Variants in ZNF431 observed in about 807,000 individuals in gnomAD.
The protein encoded by ZNF431 is zinc finger protein 431.
Under a neutral mutation model 57.0 loss-of-function variants are expected in ZNF431, and 34 were observed. The ratio of observed to expected loss-of-function variants is 0.60; its 90% CI spans 0.45 to 0.79. The LOEUF (loss-of-function observed/expected upper bound fraction) is 0.79. Among genes scored for constraint, ZNF431 ranks in the 30% least tolerant of loss-of-function variants. The pLI, the probability that ZNF431 is intolerant of heterozygous loss-of-function variation, is 0.00. For missense variants in ZNF431, 607 were observed against 667.1 expected (o/e 0.91, Z 0.99); for synonymous variants, 207 against 220.3 (o/e 0.94, Z 0.54).
intron 4 of ZNF431, chr19:21,175,604 G>A (rs1971026940): frequency 5.9e-6 from 3 of 512,558 alleles, no homozygotes; most frequent in Non-Finnish European, 1.0e-5. Context: ...ACCCCAGTGT[G>A]TGTTGTTTCC....
chr19:21,173,003 A>G (rs1970950198), intron 4 of ZNF431, among the ~76,000 whole-genome samples: 1 of 152,214 alleles, frequency 6.6e-6, no homozygotes. Flanking sequence ...ATATAAGTAG[A>G]ATTATATAGT....
In ZNF431 at chr19:21,183,850, A is replaced by G. The variant is rs1415950102; in HGVS notation, c.1547A>G (p.Glu516Gly). The change falls in exon 5 of 5, where the codon GAA becomes GGA. Residue 516 changes from glutamate to glycine, a missense_variant. By Grantham distance (98) the Glu-to-Gly change is moderately conservative (BLOSUM62 -2). Coordinates refer to ENST00000311048, the MANE Select transcript of ZNF431 (RefSeq NM_133473.4). ...GGAGAGAAATCTTACAAATGTGAAG[A>G]ATGTGGTAAAGCCTTTAACCAATCC... The part of the protein sequence containing the change: ...HTGEKSYKCE[E>G]CGKAFNQSST... 8 of 1,613,840 alleles carry G rather than the reference A, an allele frequency of 5.0e-6. No homozygotes were observed. The African/African-American group carries it at 8.0e-5, about 16-fold the overall frequency.
At chr19:21,163,125 T>C (rs1393774785) in intron 2 of ZNF431, among the ~76,000 whole-genome samples, 1 of 152,242 alleles carries the variant, frequency 6.6e-6, no homozygotes, top group East Asian at 1.9e-4. Context: ...CATAATGTGT[T>C]ATTCCCCACA....
rs1415243357 is a variant in ZNF431, at chr19:21,184,159, G to A, written c.*125G>A. On this transcript the variant is annotated 3_prime_UTR_variant, in exon 5 of 5. Coordinates refer to ENST00000311048, the MANE Select transcript of ZNF431 (RefSeq NM_133473.4). Reference sequence around the variant, plus strand: ...AAGGTCAAGAGATCGAGACCATCCTGGCCAACATGGTGAAACCCTGTCTCT... The same window carrying A: ...AAGGTCAAGAGATCGAGACCATCCTAGCCAACATGGTGAAACCCTGTCTCT... 4 of 789,822 alleles carry A rather than the reference G, an allele frequency of 5.1e-6. No individual in the cohort carries two copies. The highest frequency in any genetic ancestry group is 7.8e-6 in the Non-Finnish European group (4 of 509,704). The allele number at this position is 789,822 out of a possible 1,614,324, so 48.9% of individuals were successfully genotyped here. A position where few individuals can be genotyped will look rare whatever the true frequency, so the allele number is the denominator to read the frequency against.
At chr19:21,171,904 T>G (rs1970905265) in intron 4 of ZNF431, among the ~76,000 whole-genome samples, 1 of 150,760 alleles carries the variant, frequency 6.6e-6, no homozygotes, top group Non-Finnish European at 1.5e-5. Context: ...GTATTTTTAG[T>G]AGAGATGGGA....
intron 2 of ZNF431, among the ~76,000 whole-genome samples, chr19:21,158,222 G>C (rs1311576983): frequency 2.0e-5 from 3 of 151,978 alleles, no homozygotes; most frequent in Non-Finnish European, 4.4e-5. Context: ...TCTTGAGACA[G>C]AGTCTTGCTC....
rs1971314444 is a variant in ZNF431 at position 21,184,531 on chromosome 19, G to C, written c.*497G>C. On this transcript the variant is annotated 3_prime_UTR_variant, in exon 5 of 5. Transcript: ENST00000311048. The stretch of plus-strand genomic sequence containing the variant: ...TTCTAACCATAAAAGTAATTATACT[G>C]GTGAGAAATCCTAGAAATCTGAAGA... The C allele has an allele frequency of 6.5e-6, 1 of 153,814 alleles. No homozygotes were observed. 9.5% of individuals were successfully genotyped at this position (153,814 alleles called of 1,614,324 possible).
chr19:21,176,238 CTTTT>C (rs111362670), intron 4 of ZNF431, among the ~76,000 whole-genome samples: 118 of 133,166 alleles, frequency 8.9e-4, no homozygotes, highest in South Asian at 4.5e-3. Flanking sequence ...TCTTTGCTCA[CTTTT>C]TTTTTTTTTT....
intron 4 of ZNF431, among the ~76,000 whole-genome samples, chr19:21,180,441 A>G (rs969095154): frequency 6.6e-6 from 1 of 152,070 alleles, no homozygotes; most frequent in African/African-American, 2.4e-5. Flanking sequence ...ATGCAGACTT[A>G]CTATTGTTAT....
chr19:21,165,759 A>G (rs1202877517), intron 2 of ZNF431, among the ~76,000 whole-genome samples: 1 of 151,986 alleles, frequency 6.6e-6, no homozygotes, highest in Non-Finnish European at 1.5e-5. Flanking sequence ...AAATGAAGAC[A>G]CTTGACTTTG....
In ZNF431 at chr19:21,142,049, C is replaced by A. The variant is rs186746240; in HGVS notation, c.-135C>A. 1.4e-4 allele frequency: 173 copies of A among 1,194,846 alleles called. 1 individual carries two copies. In the African/African-American group the frequency reaches 2.0e-3, roughly 14 times the overall value. 74.0% of individuals were successfully genotyped at this position (1,194,846 alleles called of 1,614,324 possible). A position where few individuals can be genotyped will look rare whatever the true frequency, so the allele number is the denominator to read the frequency against. On this transcript the variant is annotated 5_prime_UTR_variant, in exon 1 of 5. Transcript: ENST00000311048. ...ATGTGGCGGGGCCTTTGTCTCTCGC[C>A]GCAGCCTGAGCTCCAGGTCTCCCCT...
intron 2 of ZNF431, among the ~76,000 whole-genome samples, chr19:21,145,668 ATGT>A (rs1360342977): frequency 2.0e-5 from 3 of 152,126 alleles, no homozygotes; most frequent in African/African-American, 7.2e-5. Flanking sequence ...CTTACTGATG[ATGT>A]TGTTATTGTT....
chr19:21,173,159 A>G (rs1178310680), intron 4 of ZNF431, among the ~76,000 whole-genome samples: 4 of 152,200 alleles, frequency 2.6e-5, no homozygotes, highest in South Asian at 2.1e-4. Flanking sequence ...TTGAATATAT[A>G]TGTTTCATTT....
intron 2 of ZNF431, among the ~76,000 whole-genome samples, chr19:21,163,170 C>T (rs1014767258): frequency 1.3e-5 from 2 of 152,172 alleles, no homozygotes; most frequent in South Asian, 4.1e-4. Context: ...GCAGATAGTA[C>T]CTGCTTAATA....
In ZNF431 at chr19:21,188,640, G is replaced by T. The variant is rs1971435416; in HGVS notation, c.*4606G>T. 1 of 152,062 alleles carries T rather than the reference G, an allele frequency of 6.6e-6. No homozygotes were observed. The highest frequency in any genetic ancestry group is 1.5e-5 in the Non-Finnish European group (1 of 68,020). The allele number at this position is 152,062 out of a possible 1,614,324, so 9.4% of individuals were successfully genotyped here. On this transcript the variant is annotated 3_prime_UTR_variant, in exon 5 of 5. Transcript: ENST00000311048. ...TCATTTTTTATATATTTTTTAGTGG[G>T]AGAGGTTTAGTCTACAGTTTTTATT...
intron 2 of ZNF431, among the ~76,000 whole-genome samples, chr19:21,163,455 T>C (rs138484605): frequency 0.025 from 3,834 of 152,308 alleles, 78 homozygotes; most frequent in Non-Finnish European, 0.035. Flanking sequence ...TTGTTTGAAA[T>C]ACCCATTCAT....
At chr19:21,160,246 C>G (rs977154162) in intron 2 of ZNF431, among the ~76,000 whole-genome samples, 4 of 152,066 alleles carry the variant, frequency 2.6e-5, no homozygotes, top group Non-Finnish European at 5.9e-5. Flanking sequence ...TCTGAAACCC[C>G]GCTTTGAGAA....
intron 2 of ZNF431, among the ~76,000 whole-genome samples, chr19:21,147,345 T>C (rs1288517380): frequency 1.3e-5 from 2 of 151,916 alleles, no homozygotes; most frequent in African/African-American, 2.4e-5. Context: ...AAAAAATAGC[T>C]GGATGTGCTG....
At position 21,184,344 on chromosome 19, in the gene ZNF431, G is replaced by A. The variant is rs540115202; in HGVS notation, c.*310G>A. Reference sequence around the variant, plus strand: ...CAGTTTGGCAACAGAGTGAGACTCCGTCTCAAAAAAAATTTATACTGTACA... The same window carrying A: ...CAGTTTGGCAACAGAGTGAGACTCCATCTCAAAAAAAATTTATACTGTACA... On this transcript the variant is annotated 3_prime_UTR_variant, in exon 5 of 5. Transcript: ENST00000311048. The A allele has an allele frequency of 1.3e-4, 25 of 199,310 alleles. 1 individual carries two copies. The highest frequency in any genetic ancestry group is 1.9e-4 in the Non-Finnish European group (19 of 97,908). The allele number at this position is 199,310 out of a possible 1,614,324, so 12.3% of individuals were successfully genotyped here.
Sources: allele counts gnomAD v4.1 joint callset (sites outside exome capture counted in the v4.1 genomes callset), GRCh38; gene constraint gnomAD v4.1.1; transcripts MANE v1.5; gene names NCBI Gene and HGNC (gene_info 2026-07-23, HGNC 2026-07-21).